ANGPT1: variants seen among roughly 807,000 people sequenced by gnomAD.
The protein encoded by ANGPT1 is angiopoietin 1, also known as angiopoietin-1.
ANGPT1 carries 17 observed loss-of-function variants against 62.2 expected under a neutral mutation model. The ratio of observed to expected loss-of-function variants is 0.27; its 90% CI spans 0.19 to 0.41. The LOEUF (loss-of-function observed/expected upper bound fraction) is 0.41. Ranked by LOEUF, ANGPT1 falls within the 10% of genes least tolerant of loss-of-function variation. ANGPT1 has a pLI of 1.00. For missense variants in ANGPT1, 478 were observed against 594.9 expected, an observed-to-expected ratio of 0.80 and a Z score of 2.04; for synonymous variants, 199 against 198.9, an observed-to-expected ratio of 1.00 and a Z score of 0.00.
At chr8:107,468,048 A>C (rs370794339) in intron 1 of ANGPT1, among the ~76,000 whole-genome samples, 2 of 152,078 alleles carry the variant, frequency 1.3e-5, no homozygotes, top group East Asian at 1.9e-4. Flanking sequence ...TTCTTTCCAG[A>C]GGGAAATGAA....
chr8:107,304,796 T>C (rs966183583), intron 4 of ANGPT1, among the ~76,000 whole-genome samples: 1 of 151,906 alleles, frequency 6.6e-6, no homozygotes, highest in South Asian at 2.1e-4. Flanking sequence ...TGATTTTCTA[T>C]GTAGCTCAAG....
intron 1 of ANGPT1, among the ~76,000 whole-genome samples, chr8:107,403,662 T>A (rs1455175562): frequency 6.6e-6 from 1 of 152,146 alleles, no homozygotes; most frequent in Non-Finnish European, 1.5e-5. Flanking sequence ...TATTTTAGTT[T>A]CATTGCATTT....
At chr8:107,367,274 G>A (rs1300650484) in intron 1 of ANGPT1, among the ~76,000 whole-genome samples, 2 of 152,128 alleles carry the variant, frequency 1.3e-5, no homozygotes, top group Admixed American at 1.3e-4. Context: ...TCTATTAAGT[G>A]TGAAATAGCA....
At chr8:107,335,202 G>C (rs1815531357) in intron 3 of ANGPT1, among the ~76,000 whole-genome samples, 1 of 152,156 alleles carries the variant, frequency 6.6e-6, no homozygotes, top group African/African-American at 2.4e-5. Flanking sequence ...CTTCCACTGA[G>C]TCTCTGTTCC....
At chr8:107,344,479 G>A (rs952109202) in intron 2 of ANGPT1, among the ~76,000 whole-genome samples, 1 of 152,138 alleles carries the variant, frequency 6.6e-6, no homozygotes, top group African/African-American at 2.4e-5. Flanking sequence ...ATTCAGATGT[G>A]GTCATTACTG....
chr8:107,290,257 G>A (rs904115515), intron 6 of ANGPT1, among the ~76,000 whole-genome samples: 1 of 152,092 alleles, frequency 6.6e-6, no homozygotes, highest in Non-Finnish European at 1.5e-5. Flanking sequence ...ACTATGAAGG[G>A]AAGGAAGGAG....
intron 1 of ANGPT1, among the ~76,000 whole-genome samples, chr8:107,388,210 A>G (rs1057041366): frequency 1.3e-5 from 2 of 152,086 alleles, no homozygotes; most frequent in Non-Finnish European, 2.9e-5. Context: ...ATTATACAGT[A>G]TATCTGAGAC....
chr8:107,414,130 A>G (rs1810670468), intron 1 of ANGPT1, among the ~76,000 whole-genome samples: 1 of 152,110 alleles, frequency 6.6e-6, no homozygotes, highest in African/African-American at 2.4e-5. Context: ...TTCTGCTAGG[A>G]ACCCTAAATA....
At chr8:107,441,290 T>G (rs1021926082) in intron 1 of ANGPT1, among the ~76,000 whole-genome samples, 3 of 152,208 alleles carry the variant, frequency 2.0e-5, no homozygotes, top group Admixed American at 1.3e-4. Context: ...TCCTAAAACT[T>G]CAACATACAT....
chr8:107,291,895 G>C (rs931518950), intron 6 of ANGPT1, among the ~76,000 whole-genome samples: 12 of 60,972 alleles, frequency 2.0e-4, no homozygotes, highest in African/African-American at 4.3e-4. Flanking sequence ...TGAAGATGGG[G>C]GGGGGGGGGG....
At chr8:107,318,565 T>C (rs952931134) in intron 4 of ANGPT1, among the ~76,000 whole-genome samples, 8 of 152,214 alleles carry the variant, frequency 5.3e-5, no homozygotes, top group African/African-American at 1.9e-4. Context: ...ATTTTAATGT[T>C]GACTATGACT....
At chr8:107,369,246 C>G (rs879667476) in intron 1 of ANGPT1, among the ~76,000 whole-genome samples, 1 of 152,136 alleles carries the variant, frequency 6.6e-6, no homozygotes, top group Non-Finnish European at 1.5e-5. Context: ...ACCTCATGAG[C>G]CACAACCTCT....
chr8:107,400,248 A>C (rs1296015582), intron 1 of ANGPT1, among the ~76,000 whole-genome samples: 1 of 152,186 alleles, frequency 6.6e-6, no homozygotes, highest in Admixed American at 6.5e-5. Context: ...AGTAAAACGA[A>C]CACATCTTGA....
chr8:107,273,784 T>A (rs1213810609), intron 7 of ANGPT1, among the ~76,000 whole-genome samples: 1 of 151,072 alleles, frequency 6.6e-6, no homozygotes, highest in Non-Finnish European at 1.5e-5. Context: ...TTGACCACTA[T>A]TTTTTTTTAA....
chr8:107,467,030 T>C (rs1472151679), intron 1 of ANGPT1, among the ~76,000 whole-genome samples: 1 of 152,144 alleles, frequency 6.6e-6, no homozygotes. Context: ...GATGAAATGC[T>C]AATCTTCATT....
At chr8:107,484,935 C>T (rs1812777964) in intron 1 of ANGPT1, among the ~76,000 whole-genome samples, 1 of 152,140 alleles carries the variant, frequency 6.6e-6, no homozygotes, top group Admixed American at 6.6e-5. Flanking sequence ...CAGCTATCTC[C>T]TGAGAGATGA....
At chr8:107,423,367 A>C (rs188114831) in intron 1 of ANGPT1, among the ~76,000 whole-genome samples, 2 of 152,116 alleles carry the variant, frequency 1.3e-5, no homozygotes, top group African/African-American at 4.8e-5. Flanking sequence ...TTCTCTGCAG[A>C]TTGCCCTTAG....
intron 1 of ANGPT1, among the ~76,000 whole-genome samples, chr8:107,480,090 C>T (rs895158152): frequency 3.9e-5 from 6 of 152,128 alleles, no homozygotes; most frequent in African/African-American, 1.4e-4. Context: ...AGGTCTAATA[C>T]ATTGTTTTTC....
At chr8:107,460,629 C>T (rs1812045109) in intron 1 of ANGPT1, among the ~76,000 whole-genome samples, 2 of 152,114 alleles carry the variant, frequency 1.3e-5, no homozygotes, top group East Asian at 3.9e-4. Flanking sequence ...CTGCAACAAA[C>T]ACACACAAAT....
Sources: allele counts gnomAD v4.1 joint callset (sites outside exome capture counted in the v4.1 genomes callset), GRCh38; gene constraint gnomAD v4.1.1; transcripts MANE v1.5; gene names NCBI Gene and HGNC (gene_info 2026-07-23, HGNC 2026-07-21).